The following UBR2 variants were observed in gnomAD, a reference collection of about 807,000 sequenced individuals.
UBR2 encodes the protein E3 ubiquitin-protein ligase UBR2.
Under a neutral mutation model 247.9 loss-of-function variants are expected in UBR2, and 92 were observed. That is an observed-to-expected ratio of 0.37 (90% confidence interval 0.31 to 0.44). UBR2 has a LOEUF of 0.44. UBR2 is among the 20% of genes least tolerant of loss of function. The pLI, the probability that UBR2 is intolerant of heterozygous loss-of-function variation, is 1.00. For synonymous variants in UBR2, 672 were observed against 693.5 expected (o/e 0.97, Z 0.49); for missense variants, 1,613 against 2,112.6 (o/e 0.76, Z 4.64).
intron 18 of UBR2, 102 bp downstream of exon 18, chr6:42,642,583 T>C: frequency 1.1e-6 from 1 of 933,456 alleles, no homozygotes; most frequent in African/African-American, 1.7e-5. Flanking sequence ...AATCTACAAC[T>C]CCAGCCTAGC....
chr6:42,629,365 T>G (rs1304082326), intron 11 of UBR2, among the ~76,000 whole-genome samples: 3 of 151,370 alleles, frequency 2.0e-5, no homozygotes, highest in Non-Finnish European at 4.4e-5. Flanking sequence ...GCATAAAAAT[T>G]AAGAAAGGCC....
At chr6:42,658,453 C>A (rs1797568603) in intron 28 of UBR2, 133 bp downstream of exon 28, 7 of 1,109,556 alleles carry the variant, frequency 6.3e-6, no homozygotes, top group Non-Finnish European at 7.6e-6. Flanking sequence ...CTATTTATCT[C>A]TATTTGTTGT....
chr6:42,648,257 G>A (rs766071407), intron 22 of UBR2, 87 bp downstream of exon 22: 42 of 1,065,234 alleles, frequency 3.9e-5, no homozygotes, highest in Non-Finnish European at 6.1e-5. Flanking sequence ...ATGCAACTGA[G>A]AATGAAGTTG....
rs1797707171 is a variant in UBR2 at position 42,659,936 on chromosome 6, A to G, written c.3442+81A>G. 7.3e-7 allele frequency: 1 copy of G among 1,374,640 alleles called. No individual in the cohort carries two copies. Among genetic ancestry groups the G allele is most frequent in the Admixed American group, 1.8e-5 (1 of 54,406 alleles). The allele number at this position is 1,374,640 out of a possible 1,614,324, so 85.2% of individuals were successfully genotyped here. A position where few individuals can be genotyped will look rare whatever the true frequency, so the allele number is the denominator to read the frequency against. On this transcript the variant is annotated intron_variant, in intron 30 of 46. Coordinates refer to ENST00000372901, the MANE Select transcript of UBR2 (RefSeq NM_001363705.2). The surrounding 1 kb of genome is among the most constrained non-coding windows in gnomAD (Gnocchi z 4.3). ...GGTTGGTGATACGTTGAGATTTTTTAAACCTAAAAATAACTCCATGGACTT... is the reference window on the plus strand; with the variant it reads ...GGTTGGTGATACGTTGAGATTTTTTGAACCTAAAAATAACTCCATGGACTT...
intron 40 of UBR2, among the ~76,000 whole-genome samples, chr6:42,678,005 G>T (rs1043565194): frequency 6.6e-6 from 1 of 151,982 alleles, no homozygotes; most frequent in Non-Finnish European, 1.5e-5. Flanking sequence ...GTCCAGCCTG[G>T]ACAACTTTTC....
chr6:42,579,927 C>G (rs569038138), intron 2 of UBR2, among the ~76,000 whole-genome samples: 23 of 152,264 alleles, frequency 1.5e-4, no homozygotes, highest in Middle Eastern at 3.4e-3. Flanking sequence ...TTTTGGAGAT[C>G]TTTTCATGTC....
Position 42,658,227 on chromosome 6 carries a change from T to G in UBR2, c.2983-13T>G, listed in dbSNP as rs775883669. 3.7e-6 allele frequency: 6 copies of G among 1,605,700 alleles called. No homozygotes were observed. Among genetic ancestry groups the G allele is most frequent in the Non-Finnish European group, 5.1e-6 (6 of 1,176,338 alleles). On this transcript the variant is annotated splice_polypyrimidine_tract_variant and intron_variant, in intron 27 of 46. Transcript: ENST00000372901. ...ATATTTCATACAGGATACTGATACTTTTTTTTTTGTAGACTTTTAATGCTG... is the reference window on the plus strand; with the variant it reads ...ATATTTCATACAGGATACTGATACTGTTTTTTTTGTAGACTTTTAATGCTG...
chr6:42,664,557 A>G (rs745485186), intron 32 of UBR2, among the ~76,000 whole-genome samples: 3 of 152,240 alleles, frequency 2.0e-5, no homozygotes, highest in Non-Finnish European at 4.4e-5. Flanking sequence ...TGTCAGTTTT[A>G]GGAGTTCAAA....
chr6:42,688,212 G>T lies in UBR2; in HGVS notation c.4854-4G>T. On this transcript the variant is annotated splice_polypyrimidine_tract_variant and splice_region_variant and intron_variant, in intron 44 of 46. Transcript: ENST00000372901. The stretch of plus-strand genomic sequence containing the variant: ...ATGACTTGTGGGTTTTTTATCCCTT[G>T]GAGGTGCCCGAAATCAGGTGGTGAT... 1.9e-6 allele frequency: 3 copies of T among 1,614,054 alleles called. No individual in the cohort carries two copies. Among genetic ancestry groups the T allele is most frequent in the Non-Finnish European group, 2.5e-6 (3 of 1,180,020 alleles).
chr6:42,648,256 AGAAT>A, intron 22 of UBR2, 86 bp downstream of exon 22: 3 of 1,083,742 alleles, frequency 2.8e-6, no homozygotes, highest in Non-Finnish European at 4.3e-6. Flanking sequence ...GATGCAACTG[AGAAT>A]GAAGTTGCAG....
intron 21 of UBR2, among the ~76,000 whole-genome samples, chr6:42,645,955 C>CA (rs1449036257): frequency 2.0e-5 from 3 of 152,084 alleles, no homozygotes; most frequent in African/African-American, 7.2e-5. Flanking sequence ...GGAAGGGAGT[C>CA]AGAAGTGCCT....
At chr6:42,591,213 C>G (rs1352471403) in intron 2 of UBR2, among the ~76,000 whole-genome samples, 1 of 152,196 alleles carries the variant, frequency 6.6e-6, no homozygotes, top group East Asian at 1.9e-4. Context: ...GAGCATGCCA[C>G]TGCACTCCAG....
intron 15 of UBR2, among the ~76,000 whole-genome samples, chr6:42,638,523 T>C (rs1454509271): frequency 2.6e-5 from 4 of 152,198 alleles, no homozygotes; most frequent in African/African-American, 9.7e-5. Flanking sequence ...CAATAGACCA[T>C]TACCTAGAAT....
chr6:42,671,274 G>A (rs1798418442), intron 36 of UBR2, among the ~76,000 whole-genome samples: 1 of 151,644 alleles, frequency 6.6e-6, no homozygotes, highest in Non-Finnish European at 1.5e-5. Context: ...GAGTGGTGGC[G>A]TGGCATGTAC....
chr6:42,570,315 C>G lies in UBR2; in HGVS notation c.79-3419C>G, dbSNP rs145108517. Among the ~76,000 whole-genome samples the G allele has an allele frequency of 4.0e-3, 610 of 152,318 alleles. 1 individual carries two copies. The highest frequency in any genetic ancestry group is 0.014 in the African/African-American group (569 of 41,580). On this transcript the variant is annotated intron_variant, in intron 1 of 46. Coordinates refer to ENST00000372901, the MANE Select transcript of UBR2 (RefSeq NM_001363705.2). ...TGGCGTGATCTAGGCTCACTGCAACCTCCACCTCCTGAGGTCAAGCGATTC... is the reference window on the plus strand; with the variant it reads ...TGGCGTGATCTAGGCTCACTGCAACGTCCACCTCCTGAGGTCAAGCGATTC...
intron 15 of UBR2, among the ~76,000 whole-genome samples, chr6:42,639,762 A>G (rs987997909): frequency 6.6e-6 from 1 of 152,226 alleles, no homozygotes; most frequent in African/African-American, 2.4e-5. Flanking sequence ...ACATGTATAT[A>G]AATTGTTTTG....
chr6:42,644,105 A>G, intron 18 of UBR2, 109 bp from the exon 19 acceptor site: 2 of 1,138,946 alleles, frequency 1.8e-6, no homozygotes, highest in Non-Finnish European at 2.5e-6. Flanking sequence ...TAGGATTGGT[A>G]AACTGCTTTC....
At chr6:42,661,639 T>C (rs1357653171) in intron 30 of UBR2, among the ~76,000 whole-genome samples, 2 of 151,486 alleles carry the variant, frequency 1.3e-5, no homozygotes, top group East Asian at 1.9e-4. Context: ...CTGAATTACC[T>C]TTTTTCCCCC....
At chr6:42,577,127 A>G (rs1441314409) in intron 2 of UBR2, among the ~76,000 whole-genome samples, 1 of 152,204 alleles carries the variant, frequency 6.6e-6, no homozygotes, top group Non-Finnish European at 1.5e-5. Flanking sequence ...AGGTGTTTCC[A>G]TGAAACCCAG....
Sources: gnomAD v4.1 joint callset for allele counts (sites outside exome capture counted in the v4.1 genomes callset) on GRCh38, gnomAD v4.1.1 for gene constraint, Gnocchi (gnomAD v3.1) non-coding constraint, MANE v1.5 for transcripts, NCBI Gene and HGNC (gene_info 2026-07-23, HGNC 2026-07-21) for gene names.